GRIN2A: variants seen among roughly 807,000 people sequenced by gnomAD.
GRIN2A encodes glutamate ionotropic receptor NMDA type subunit 2A, also known as glutamate receptor ionotropic, NMDA 2A.
GRIN2A carries 22 observed loss-of-function variants against 113.4 expected under a neutral mutation model. The ratio of observed to expected loss-of-function variants is 0.19; its 90% CI spans 0.14 to 0.28. GRIN2A has a LOEUF of 0.28. Among genes scored for constraint, GRIN2A ranks in the 10% least tolerant of loss-of-function variants. The pLI is 1.00. For synonymous variants in GRIN2A, 827 were observed against 738.4 expected (o/e 1.12, Z -1.94); for missense variants, 1,502 against 1,887.0 (o/e 0.80, Z 3.78).
At chr16:9,960,100 T>A (rs1596364105) in intron 2 of GRIN2A, among the ~76,000 whole-genome samples, 1 of 152,144 alleles carries the variant, frequency 6.6e-6, no homozygotes, top group Non-Finnish European at 1.5e-5. Context: ...CTGGCCCAGG[T>A]AACAGATAGT....
chr16:10,141,119 C>T (rs548476262), intron 2 of GRIN2A, among the ~76,000 whole-genome samples: 21 of 151,428 alleles, frequency 1.4e-4, no homozygotes, highest in South Asian at 2.1e-4. Context: ...GCTTGAACCC[C>T]GGAGGGTGAG....
At chr16:9,989,954 C>T (rs1483380394) in intron 2 of GRIN2A, among the ~76,000 whole-genome samples, 2 of 152,048 alleles carry the variant, frequency 1.3e-5, no homozygotes, top group Non-Finnish European at 2.9e-5. Flanking sequence ...TTAGTTCAGC[C>T]CCAGTGGAAA....
chr16:9,875,616 A>T (rs758315290), intron 4 of GRIN2A, among the ~76,000 whole-genome samples: 18 of 152,262 alleles, frequency 1.2e-4, no homozygotes, highest in Non-Finnish European at 2.4e-4. Flanking sequence ...CAATGGAAAG[A>T]AAGTGAGAAG....
At chr16:10,095,991 C>G (rs1258114333) in intron 2 of GRIN2A, among the ~76,000 whole-genome samples, 1 of 152,138 alleles carries the variant, frequency 6.6e-6, no homozygotes, top group Non-Finnish European at 1.5e-5. Flanking sequence ...AATATATCTA[C>G]TCATGACACA....
At chr16:9,864,006 G>C (rs2043117911) in intron 4 of GRIN2A, among the ~76,000 whole-genome samples, 1 of 152,154 alleles carries the variant, frequency 6.6e-6, no homozygotes, top group African/African-American at 2.4e-5. Context: ...CATTGGATGA[G>C]AACTTGACCT....
chr16:10,142,570 G>A (rs1214203217), intron 2 of GRIN2A, among the ~76,000 whole-genome samples: 1 of 152,182 alleles, frequency 6.6e-6, no homozygotes, highest in Non-Finnish European at 1.5e-5. Flanking sequence ...GTGTGCGGTG[G>A]TGAGTATAGT....
intron 2 of GRIN2A, among the ~76,000 whole-genome samples, chr16:10,070,078 A>AC (rs1365834728): frequency 6.6e-6 from 1 of 152,004 alleles, no homozygotes; most frequent in Non-Finnish European, 1.5e-5. Context: ...CATACCTGGG[A>AC]CTTCAGTGGC....
intron 2 of GRIN2A, among the ~76,000 whole-genome samples, chr16:10,140,558 C>T (rs906935483): frequency 6.6e-6 from 1 of 152,222 alleles, no homozygotes; most frequent in African/African-American, 2.4e-5. Context: ...CCAGAAAACA[C>T]TCTTTCTTCT....
intron 10 of GRIN2A, among the ~76,000 whole-genome samples, chr16:9,811,206 G>T (rs1369174657): frequency 6.6e-6 from 1 of 152,138 alleles, no homozygotes; most frequent in East Asian, 1.9e-4. Flanking sequence ...TAACAGATAG[G>T]TACAACCCTT....
intron 2 of GRIN2A, among the ~76,000 whole-genome samples, chr16:10,025,303 T>A (rs1412528639): frequency 2.8e-5 from 4 of 143,916 alleles, no homozygotes; most frequent in Non-Finnish European, 6.1e-5. Context: ...TCTTTTTTTT[T>A]TTTTTTTTTT....
chr16:9,864,816 G>C (rs1198997524), intron 4 of GRIN2A, among the ~76,000 whole-genome samples: 1 of 152,120 alleles, frequency 6.6e-6, no homozygotes, highest in African/African-American at 2.4e-5. Flanking sequence ...GGTCTCTGAT[G>C]GGCATTTGTT....
chr16:10,044,022 T>TAGAGAGAGAG lies in GRIN2A; in HGVS notation c.415-105481_415-105472dup, dbSNP rs1555469980. On this transcript the variant is annotated intron_variant, in intron 2 of 12. Transcript: ENST00000330684. ...GTGTGTGTGTGTATATATATATATA[T>TAGAGAGAGAG]AGAGAGAGAGAGAGAGAGAGAGAGA... Among the ~76,000 whole-genome samples, 23 of 108,006 alleles carry TAGAGAGAGAG rather than the reference T, an allele frequency of 2.1e-4. No individual in the cohort carries two copies. In the Middle Eastern group the frequency reaches 0.017, roughly 82 times the overall value. 70.9% of individuals were successfully genotyped at this position (108,006 alleles called of 152,430 possible).
intron 4 of GRIN2A, among the ~76,000 whole-genome samples, chr16:9,867,647 A>T (rs540003164): frequency 1.9e-3 from 289 of 152,328 alleles, no homozygotes; most frequent in Non-Finnish European, 3.4e-3. Flanking sequence ...TCTGCATTTG[A>T]CAATGGGACT....
rs7189844 is a variant in GRIN2A, at chr16:9,824,867, A to G, written c.2008-2443T>C. Among the ~76,000 whole-genome samples the G allele has an allele frequency of 2.7e-3, 408 of 152,216 alleles. 1 individual carries two copies. The highest frequency in any genetic ancestry group is 4.5e-3 in the Admixed American group (69 of 15,274). Reference sequence around the variant, plus strand: ...AGAGTCATGACCTACAGCGTGAAAAACAGTGAGGGGGCAAGGATGGCTCAT... The same window carrying G: ...AGAGTCATGACCTACAGCGTGAAAAGCAGTGAGGGGGCAAGGATGGCTCAT... On this transcript the variant is annotated intron_variant, in intron 9 of 12. Coordinates refer to ENST00000330684, the MANE Select transcript of GRIN2A (RefSeq NM_001134407.3).
intron 3 of GRIN2A, among the ~76,000 whole-genome samples, chr16:9,894,404 A>C (rs1372374747): frequency 6.6e-6 from 1 of 152,202 alleles, no homozygotes; most frequent in Non-Finnish European, 1.5e-5. Flanking sequence ...AGGGGACTTG[A>C]ACATTTTTGT....
chr16:9,930,677 T>C (rs997642687), intron 3 of GRIN2A, among the ~76,000 whole-genome samples: 3 of 152,216 alleles, frequency 2.0e-5, no homozygotes, highest in Non-Finnish European at 4.4e-5. Flanking sequence ...AGGGAAGTTT[T>C]AACTCTGGTC....
In GRIN2A at chr16:10,032,362, T is replaced by A. The variant is rs181736893; in HGVS notation, c.415-93811A>T. Among the ~76,000 whole-genome samples, 369 of 152,354 alleles carry A rather than the reference T, an allele frequency of 2.4e-3. 1 individual carries two copies. The highest frequency in any genetic ancestry group is 6.5e-3 in the East Asian group (34 of 5,192). Reference sequence around the variant, plus strand: ...ACTGTACAAATTAAGTGATTTTTTTTAAATGTGGGTCTACCCACCTCTAAG... The same window carrying A: ...ACTGTACAAATTAAGTGATTTTTTTAAAATGTGGGTCTACCCACCTCTAAG... On this transcript the variant is annotated intron_variant, in intron 2 of 12. Coordinates refer to ENST00000330684, the MANE Select transcript of GRIN2A (RefSeq NM_001134407.3).
chr16:9,854,998 G>C (rs1316603377), intron 4 of GRIN2A, among the ~76,000 whole-genome samples: 1 of 144,680 alleles, frequency 6.9e-6, no homozygotes, highest in Non-Finnish European at 1.5e-5. Flanking sequence ...ACGCTTGTGT[G>C]TGTGTGTGTG....
At chr16:10,126,169 A>ATT (rs201170084) in intron 2 of GRIN2A, among the ~76,000 whole-genome samples, 30 of 139,098 alleles carry the variant, frequency 2.2e-4, no homozygotes, top group Admixed American at 6.1e-4. Context: ...ATATATATAT[A>ATT]TATTTTTTTT....
Sources: allele counts gnomAD v4.1 joint callset (sites outside exome capture counted in the v4.1 genomes callset), GRCh38; gene constraint gnomAD v4.1.1; transcripts MANE v1.5; gene names NCBI Gene and HGNC (gene_info 2026-07-23, HGNC 2026-07-21).